SLC25A40: variants seen among roughly 807,000 people sequenced by gnomAD.
The protein encoded by SLC25A40 is mitochondrial glutathione transporter SLC25A40.
SLC25A40 carries 41 observed loss-of-function variants against 46.5 expected under a neutral mutation model. The ratio of observed to expected loss-of-function variants is 0.88; its 90% CI spans 0.69 to 1.14. SLC25A40 has a LOEUF of 1.14. SLC25A40 is among the 50% of genes most tolerant of loss of function. SLC25A40 has a pLI of 0.00. For synonymous variants in SLC25A40, 126 were observed against 127.5 expected (o/e 0.99, Z 0.08); for missense variants, 386 against 393.6 (o/e 0.98, Z 0.16).
chr7:87,840,746 A>T (rs1235219822), intron 10 of SLC25A40, among the ~76,000 whole-genome samples: 1 of 151,860 alleles, frequency 6.6e-6, no homozygotes, highest in Non-Finnish European at 1.5e-5. Flanking sequence ...CCAGGTTTTC[A>T]TTAGCTTCTA....
At chr7:87,870,801 G>C (rs966330358) in intron 1 of SLC25A40, among the ~76,000 whole-genome samples, 8 of 152,070 alleles carry the variant, frequency 5.3e-5, no homozygotes, top group Non-Finnish European at 1.0e-4. Flanking sequence ...TTCTTGCTGA[G>C]AGCCACTTTC....
intron 4 of SLC25A40, among the ~76,000 whole-genome samples, chr7:87,854,919 T>C (rs888399094): frequency 5.3e-5 from 8 of 151,734 alleles, no homozygotes; most frequent in Non-Finnish European, 1.2e-4. Context: ...TCCCAGCACT[T>C]TGGGAGGCCA....
chr7:87,871,175 T>C (rs1293519652), intron 1 of SLC25A40, among the ~76,000 whole-genome samples: 1 of 152,182 alleles, frequency 6.6e-6, no homozygotes, highest in Non-Finnish European at 1.5e-5. Context: ...CTGCCGGTGC[T>C]CATGCACTCC....
intron 1 of SLC25A40, among the ~76,000 whole-genome samples, chr7:87,873,598 A>T (rs1838927864): frequency 6.6e-6 from 1 of 151,862 alleles, no homozygotes; most frequent in African/African-American, 2.4e-5. Context: ...ATGCCCAGCT[A>T]ATTTTTGTAT....
chr7:87,863,252 G>C (rs1486266313), intron 1 of SLC25A40, among the ~76,000 whole-genome samples: 1 of 152,054 alleles, frequency 6.6e-6, no homozygotes, highest in African/African-American at 2.4e-5. Flanking sequence ...TTAAATTGTA[G>C]TTCCCATAAT....
chr7:87,847,895 T>C lies in SLC25A40; in HGVS notation c.415A>G (p.Asn139Asp), dbSNP rs1012969379. The C allele has an allele frequency of 1.9e-6, 3 of 1,612,036 alleles. No individual in the cohort carries two copies. Among genetic ancestry groups the C allele is most frequent in the Non-Finnish European group, 2.5e-6 (3 of 1,179,282 alleles). Reference sequence around the variant, plus strand: ...GCAACAATTGGTATGCAGGTTTCATTTTCTCCTAACTTAGATCTCAGAAGA... The same window carrying C: ...GCAACAATTGGTATGCAGGTTTCATCTTCTCCTAACTTAGATCTCAGAAGA... ...SALLRSKLGE[N>D]ETCIPIVAGI... Residue 139 changes from asparagine (N) to aspartate (D), a missense_variant, in exon 7 of 12, where the codon AAT becomes GAT. Asn to Asp is a conservative substitution (Grantham distance 23, BLOSUM62 1). Transcript: ENST00000341119.
chr7:87,865,787 G>T (rs1337083140), intron 1 of SLC25A40, among the ~76,000 whole-genome samples: 1 of 151,592 alleles, frequency 6.6e-6, no homozygotes, highest in African/African-American at 2.4e-5. Context: ...GAAAAAAAAA[G>T]AATATTCTTG....
chr7:87,859,247 G>T (rs1314981556), intron 2 of SLC25A40, among the ~76,000 whole-genome samples: 1 of 152,132 alleles, frequency 6.6e-6, no homozygotes, highest in Non-Finnish European at 1.5e-5. Context: ...GAGGTCGGGA[G>T]ATCGAGACCA....
At chr7:87,874,406 T>C (rs1203751886) in intron 1 of SLC25A40, among the ~76,000 whole-genome samples, 3 of 152,338 alleles carry the variant, frequency 2.0e-5, no homozygotes, top group Middle Eastern at 3.4e-3. Context: ...AGTCTTCCCT[T>C]CATTATACTT....
chr7:87,838,333 A>G (rs1465276164), intron 10 of SLC25A40, among the ~76,000 whole-genome samples: 1 of 151,424 alleles, frequency 6.6e-6, no homozygotes, highest in African/African-American at 2.4e-5. Flanking sequence ...GCCCCAAACT[A>G]GTTTCTATTT....
Position 87,857,549 on chromosome 7 carries a change from G to T in SLC25A40, c.97+1082C>A, listed in dbSNP as rs139829662. ...GGAAGTCAGGGATCCTGAATGGAGG[G>T]ACCAGGTGGAGCCGCAGCAAAGGAA... On this transcript the variant is annotated intron_variant, in intron 3 of 11. Transcript: ENST00000341119. Among the ~76,000 whole-genome samples the T allele has an allele frequency of 5.9e-5, 9 of 152,268 alleles. No homozygotes were observed. In the East Asian group the frequency reaches 1.7e-3, roughly 29 times the overall value.
At position 87,876,151 on chromosome 7, in the gene SLC25A40, A is replaced by G. The variant is rs1192481293; in HGVS notation, c.-149T>C. On this transcript the variant is annotated 5_prime_UTR_variant, in exon 1 of 12. Transcript: ENST00000341119. ...GTCCTGGCAAACCTAGAAGGCGGGAATAACCCTGGTGACGGGCGGGGCCGG... is the reference window on the plus strand; with the variant it reads ...GTCCTGGCAAACCTAGAAGGCGGGAGTAACCCTGGTGACGGGCGGGGCCGG... 1 of 153,142 alleles carries G rather than the reference A, an allele frequency of 6.5e-6. No homozygotes were observed. Among genetic ancestry groups the G allele is most frequent in the Non-Finnish European group, 1.5e-5 (1 of 68,844 alleles). The allele number at this position is 153,142 out of a possible 1,614,324, so 9.5% of individuals were successfully genotyped here.
intron 1 of SLC25A40, among the ~76,000 whole-genome samples, chr7:87,863,401 TCTC>T (rs1838738021): frequency 6.6e-6 from 1 of 151,946 alleles, no homozygotes; most frequent in Non-Finnish European, 1.5e-5. Context: ...GCTTGGCACT[TCTC>T]CTTGCTGCCA....
chr7:87,839,267 T>C (rs10260007), intron 10 of SLC25A40, among the ~76,000 whole-genome samples: 21,787 of 151,416 alleles, frequency 0.14, 2,512 homozygotes, highest in African/African-American at 0.32. Context: ...ATAACCATTT[T>C]GTGATACTTT....
intron 1 of SLC25A40, among the ~76,000 whole-genome samples, chr7:87,865,567 T>C (rs1453495305): frequency 6.6e-6 from 1 of 152,120 alleles, no homozygotes; most frequent in Non-Finnish European, 1.5e-5. Context: ...GGCCACAAGT[T>C]TGAGACCTGC....
In SLC25A40 at chr7:87,836,371, G is replaced by T. The variant is rs1245506983; in HGVS notation, c.905-10C>A. The stretch of plus-strand genomic sequence containing the variant: ...AAGCGAGGAATTAGGCCTGAGAAAA[G>T]AATAGGAATAATCAAAACAAATATT... On this transcript the variant is annotated splice_polypyrimidine_tract_variant and intron_variant, in intron 11 of 11. Coordinates refer to ENST00000341119, the MANE Select transcript of SLC25A40 (RefSeq NM_018843.4). 2 of 1,448,308 alleles carry T rather than the reference G, an allele frequency of 1.4e-6. No homozygotes were observed. Among genetic ancestry groups the T allele is most frequent in the Admixed American group, 2.5e-5 (1 of 39,584 alleles). The allele number at this position is 1,448,308 out of a possible 1,614,324, so 89.7% of individuals were successfully genotyped here.
intron 10 of SLC25A40, among the ~76,000 whole-genome samples, chr7:87,838,741 T>C (rs1838291292): frequency 1.3e-5 from 2 of 151,554 alleles, no homozygotes; most frequent in African/African-American, 4.8e-5. Flanking sequence ...CACTCTTCTT[T>C]GTATACATCT....
At chr7:87,864,446 T>C (rs1838757099) in intron 1 of SLC25A40, among the ~76,000 whole-genome samples, 2 of 152,378 alleles carry the variant, frequency 1.3e-5, no homozygotes, top group South Asian at 2.1e-4. Flanking sequence ...TTATTTATTT[T>C]ACCAAACTGT....
chr7:87,835,099 T>C lies in SLC25A40; in HGVS notation c.*1150A>G, dbSNP rs1838238186. The C allele has an allele frequency of 6.6e-6, 1 of 151,410 alleles. No homozygotes were observed. The highest frequency in any genetic ancestry group is 2.1e-4 in the South Asian group (1 of 4,812). 9.4% of individuals were successfully genotyped at this position (151,410 alleles called of 1,614,324 possible). On this transcript the variant is annotated 3_prime_UTR_variant, in exon 12 of 12. Transcript: ENST00000341119. ...AAATTAGTGCTTTAAAAAATATATA[T>C]ATATAGGATATAGATCCTAAGAAAA...
Sources: allele counts gnomAD v4.1 joint callset (sites outside exome capture counted in the v4.1 genomes callset), GRCh38; gene constraint gnomAD v4.1.1; transcripts MANE v1.5; gene names NCBI Gene and HGNC (gene_info 2026-07-23, HGNC 2026-07-21).